The following SP140 variants were observed in gnomAD, a reference collection of about 807,000 sequenced individuals.
SP140 encodes nuclear body protein SP140.
Under a neutral mutation model 125.0 loss-of-function variants are expected in SP140, and 81 were observed. That is an observed-to-expected ratio of 0.65 (90% CI 0.54 to 0.78). The LOEUF (loss-of-function observed/expected upper bound fraction) is 0.78, where lower values mean the gene tolerates loss of function less well. SP140 is among the 30% of genes least tolerant of loss of function. The pLI is 0.00. For missense variants in SP140, 858 were observed against 1,037.0 expected, an observed-to-expected ratio of 0.83 and a Z score of 2.37; for synonymous variants, 312 against 354.0, an observed-to-expected ratio of 0.88 and a Z score of 1.33.
chr2:230,187,011 G>A, the SP140 span, among the ~76,000 whole-genome samples: 1 of 152,112 alleles, frequency 6.6e-6, no homozygotes, highest in Non-Finnish European at 1.5e-5. Flanking sequence ...CCTTTGGGTT[G>A]ATACCTAGTA....
intron 22 of SP140, among the ~76,000 whole-genome samples, chr2:230,300,611 A>G (rs920330800): frequency 3.9e-5 from 6 of 152,150 alleles, no homozygotes; most frequent in African/African-American, 1.2e-4. Context: ...GGAGAACACC[A>G]CATTAAGGGA....
At chr2:230,242,411 A>C (rs1234186705) in intron 4 of SP140, among the ~76,000 whole-genome samples, 2 of 152,212 alleles carry the variant, frequency 1.3e-5, no homozygotes, top group Non-Finnish European at 2.9e-5. Context: ...CTGTTCCCAC[A>C]TCAAAGTGGC....
chr2:230,255,415 T>C, intron 11 of SP140, 37 bp from the exon 12 acceptor site: 5 of 1,608,780 alleles, frequency 3.1e-6, no homozygotes, highest in African/African-American at 1.3e-5. Context: ...GTTGGTTGTA[T>C]ACTGAGACCT....
chr2:230,216,452 C>T (rs943974096), intron 3 of SP140, among the ~76,000 whole-genome samples: 3 of 152,194 alleles, frequency 2.0e-5, no homozygotes, highest in African/African-American at 7.2e-5. Flanking sequence ...AGGCAGCTAT[C>T]GGATTCTCCT....
intron 1 of SP140, among the ~76,000 whole-genome samples, chr2:230,236,077 A>C (rs976044865): frequency 2.6e-5 from 4 of 151,834 alleles, no homozygotes; most frequent in Non-Finnish European, 5.9e-5. Flanking sequence ...AGGTTTCACC[A>C]TGTTAGCCAG....
intron 3 of SP140, chr2:230,216,910 T>C: frequency 6.2e-7 from 1 of 1,613,754 alleles, no homozygotes. Context: ...CTTCCATGGC[T>C]CTTGTCATGG....
At chr2:230,292,495 G>T in intron 19 of SP140, 151 bp from the exon 20 acceptor site, 1 of 985,168 alleles carries the variant, frequency 1.0e-6, no homozygotes. Context: ...GGCTGGATTT[G>T]GGGCCTCTGT....
At chr2:230,234,437 G>C (rs2047683804) in intron 1 of SP140, among the ~76,000 whole-genome samples, 1 of 152,192 alleles carries the variant, frequency 6.6e-6, no homozygotes, top group South Asian at 2.1e-4. Flanking sequence ...AGGTGCATGA[G>C]CAAAATATTC....
chr2:230,194,671 T>G, the SP140 span, among the ~76,000 whole-genome samples: 1 of 152,194 alleles, frequency 6.6e-6, no homozygotes, highest in African/African-American at 2.4e-5. Context: ...GAACACTCTA[T>G]GACTCCAAAT....
At chr2:230,245,483 CA>C (rs1479940686) in intron 6 of SP140, among the ~76,000 whole-genome samples, 2 of 152,106 alleles carry the variant, frequency 1.3e-5, no homozygotes, top group African/African-American at 4.8e-5. Context: ...GTGGAAGTGA[CA>C]AAGTTAGAAG....
chr2:230,252,819 G>C (rs1575025844), intron 10 of SP140, among the ~76,000 whole-genome samples: 1 of 152,120 alleles, frequency 6.6e-6, no homozygotes, highest in African/African-American at 2.4e-5. Flanking sequence ...AGGCCAGCTG[G>C]GGGTTCAGGG....
chr2:230,305,657 C>T (rs1041769757), intron 22 of SP140, among the ~76,000 whole-genome samples: 2 of 152,228 alleles, frequency 1.3e-5, no homozygotes, highest in Non-Finnish European at 2.9e-5. Flanking sequence ...GGCACTTGCA[C>T]ACGTAGCGTG....
chr2:230,278,527 TG>T (rs1205138366), intron 15 of SP140, among the ~76,000 whole-genome samples: 2 of 152,106 alleles, frequency 1.3e-5, no homozygotes, highest in East Asian at 3.8e-4. Flanking sequence ...TGTTTATTTT[TG>T]CTTTTGTTCC....
intron 22 of SP140, among the ~76,000 whole-genome samples, chr2:230,309,589 TC>T (rs1199079739): frequency 6.6e-6 from 1 of 152,248 alleles, no homozygotes; most frequent in Admixed American, 6.5e-5. Flanking sequence ...ATTTAACACT[TC>T]ATTTCAAAAC....
chr2:230,196,409 G>C, the SP140 span, among the ~76,000 whole-genome samples: 1 of 151,912 alleles, frequency 6.6e-6, no homozygotes, highest in East Asian at 1.9e-4. Context: ...AATGAAAAAA[G>C]TGATTTATAG....
intron 1 of SP140, among the ~76,000 whole-genome samples, chr2:230,209,700 A>G (rs2044255566): frequency 6.6e-6 from 1 of 152,216 alleles, no homozygotes; most frequent in African/African-American, 2.4e-5. Context: ...TTTTTTCAGA[A>G]CAGGCAATTC....
upstream of SP140, among the ~76,000 whole-genome samples, chr2:230,202,420 T>G (rs973202676): frequency 6.6e-6 from 1 of 152,214 alleles, no homozygotes; most frequent in Non-Finnish European, 1.5e-5. Context: ...ATGCAACAGA[T>G]GCTTGCTCTC....
chr2:230,226,010 A>G, intron 1 of SP140, 107 bp downstream of exon 1: 1 of 823,360 alleles, frequency 1.2e-6, no homozygotes, highest in Non-Finnish European at 1.9e-6. Context: ...ATACAATAGA[A>G]TTCAGTTACA....
At chr2:230,268,794 C>T (rs1392572244) in intron 12 of SP140, among the ~76,000 whole-genome samples, 2 of 152,126 alleles carry the variant, frequency 1.3e-5, no homozygotes, top group African/African-American at 2.4e-5. Context: ...ACACAGTGGC[C>T]TGAGATTCAT....
Sources: gnomAD v4.1 joint callset for allele counts (sites outside exome capture counted in the v4.1 genomes callset) on GRCh38, gnomAD v4.1.1 for gene constraint, MANE v1.5 for transcripts, NCBI Gene and HGNC (gene_info 2026-07-23, HGNC 2026-07-21) for gene names.